SPOCK1: variants seen among roughly 807,000 people sequenced by gnomAD.
The protein encoded by SPOCK1 is testican-1.
Under a neutral mutation model 55.3 loss-of-function variants are expected in SPOCK1, and 23 were observed. The observed-to-expected ratio is 0.42, with a 90% CI of 0.30 to 0.59. The LOEUF is 0.59. Ranked by LOEUF, SPOCK1 falls within the 20% of genes least tolerant of loss-of-function variation. SPOCK1 has a pLI of 0.22. For missense variants in SPOCK1, 499 were observed against 552.5 expected (o/e 0.90, Z 0.97); for synonymous variants, 226 against 221.0 (o/e 1.02, Z -0.20).
chr5:137,399,593 C>T (rs1751931974), intron 2 of SPOCK1, among the ~76,000 whole-genome samples: 1 of 152,048 alleles, frequency 6.6e-6, no homozygotes, highest in African/African-American at 2.4e-5. Flanking sequence ...TGACCACCAC[C>T]ACCACAGCTC....
chr5:137,396,944 TA>T (rs1258555186), intron 2 of SPOCK1, among the ~76,000 whole-genome samples: 9 of 152,214 alleles, frequency 5.9e-5, no homozygotes, highest in African/African-American at 2.2e-4. Context: ...TACGCGTTTA[TA>T]CTTTGAATGC....
At chr5:137,086,519 A>G (rs1326644502) in intron 5 of SPOCK1, among the ~76,000 whole-genome samples, 1 of 152,168 alleles carries the variant, frequency 6.6e-6, no homozygotes, top group Admixed American at 6.5e-5. Context: ...TAGGAGGCAG[A>G]GCATCGTGTA....
At chr5:137,244,954 A>T (rs1019642622) in intron 3 of SPOCK1, among the ~76,000 whole-genome samples, 3 of 152,254 alleles carry the variant, frequency 2.0e-5, no homozygotes, top group African/African-American at 7.2e-5. Flanking sequence ...ACCAATGTCC[A>T]GGACAAAGTT....
At chr5:137,408,795 A>T (rs2127187839) in intron 2 of SPOCK1, among the ~76,000 whole-genome samples, 1 of 152,348 alleles carries the variant, frequency 6.6e-6, no homozygotes, top group African/African-American at 2.4e-5. Flanking sequence ...AGGAAAGAAC[A>T]TGAGACAGAC....
At chr5:137,148,136 C>A (rs747046983) in intron 3 of SPOCK1, among the ~76,000 whole-genome samples, 1 of 152,148 alleles carries the variant, frequency 6.6e-6, no homozygotes, top group Non-Finnish European at 1.5e-5. Context: ...AGCAAGGAGA[C>A]AATGACAAGC....
At chr5:137,258,860 G>T (rs910053628) in intron 3 of SPOCK1, among the ~76,000 whole-genome samples, 5 of 152,280 alleles carry the variant, frequency 3.3e-5, no homozygotes, top group Non-Finnish European at 7.3e-5. Flanking sequence ...TCCCTCCAAA[G>T]GGTGGAGCAC....
chr5:137,111,866 CTTG>C (rs1753481872), intron 5 of SPOCK1, among the ~76,000 whole-genome samples: 1 of 152,130 alleles, frequency 6.6e-6, no homozygotes, highest in Non-Finnish European at 1.5e-5. Context: ...AAACAATTTT[CTTG>C]TTGTTGGTTT....
intron 2 of SPOCK1, among the ~76,000 whole-genome samples, chr5:137,295,842 T>A (rs1305008715): frequency 1.3e-5 from 2 of 152,244 alleles, no homozygotes; most frequent in Non-Finnish European, 2.9e-5. Flanking sequence ...ACAGTGTTTT[T>A]CCTCATTTAT....
chr5:137,444,288 G>A (rs1753077113), intron 2 of SPOCK1, among the ~76,000 whole-genome samples: 1 of 152,144 alleles, frequency 6.6e-6, no homozygotes. Flanking sequence ...TCCCTGTGAT[G>A]TCTTTCTGCT....
chr5:137,131,971 C>CACAAAAAAAAAAA (rs1753888981), intron 4 of SPOCK1, among the ~76,000 whole-genome samples: 1 of 12,728 alleles, frequency 7.9e-5, no homozygotes, highest in Non-Finnish European at 1.2e-4. Flanking sequence ...GACTCCGTCT[C>CACAAAAAAAAAAA]AAAAAAAAAA....
intron 6 of SPOCK1, among the ~76,000 whole-genome samples, chr5:137,015,892 C>T (rs977369500): frequency 6.6e-6 from 1 of 152,124 alleles, no homozygotes; most frequent in Admixed American, 6.5e-5. Flanking sequence ...CACCTAAGCA[C>T]GTGACAATGA....
rs1177060339 is a variant in SPOCK1 at position 137,356,838 on chromosome 5, T to TAGAGAGAGAGAGAGAGAGAG, written c.187-89803_187-89784dup. Among the ~76,000 whole-genome samples, 14 of 5,458 alleles carry TAGAGAGAGAGAGAGAGAGAG rather than the reference T, an allele frequency of 2.6e-3. 1 individual carries two copies. Among genetic ancestry groups the TAGAGAGAGAGAGAGAGAGAG allele is most frequent in the African/African-American group, 5.8e-3 (7 of 1,212 alleles). 3.6% of individuals were successfully genotyped at this position (5,458 alleles called of 152,430 possible). On this transcript the variant is annotated intron_variant, in intron 2 of 10. Coordinates refer to ENST00000394945, the MANE Select transcript of SPOCK1 (RefSeq NM_004598.4). Reference sequence around the variant, plus strand: ...ATATATATATATATATATATATATATAGAGAGAGAGAGAGAGAGAGAGAGA... The same window carrying TAGAGAGAGAGAGAGAGAGAG: ...ATATATATATATATATATATATATATAGAGAGAGAGAGAGAGAGAGAGAGAGAGAGAGAGAGAGAGAGAGA...
intron 4 of SPOCK1, among the ~76,000 whole-genome samples, chr5:137,124,986 A>G (rs765709479): frequency 3.9e-5 from 6 of 152,202 alleles, no homozygotes; most frequent in Non-Finnish European, 7.3e-5. Context: ...TTTCATAGAC[A>G]CATTCTGAGT....
chr5:137,313,535 T>A (rs1163153878), intron 2 of SPOCK1: 2 of 974,058 alleles, frequency 2.1e-6, no homozygotes, highest in East Asian at 2.3e-4. Flanking sequence ...CATAGGAGAG[T>A]CACAGGCTCC....
intron 9 of SPOCK1, 88 bp from the exon 10 acceptor site, chr5:136,979,557 A>G (rs973080291): frequency 6.7e-7 from 1 of 1,487,644 alleles, no homozygotes; most frequent in Non-Finnish European, 9.1e-7. Flanking sequence ...GAGGGCTCAC[A>G]TGTCAGAATA....
intron 2 of SPOCK1, among the ~76,000 whole-genome samples, chr5:137,422,050 C>A (rs1322584873): frequency 6.6e-6 from 1 of 152,222 alleles, no homozygotes; most frequent in African/African-American, 2.4e-5. Flanking sequence ...TTCTCCTTCA[C>A]TTATGAAGCT....
intron 2 of SPOCK1, among the ~76,000 whole-genome samples, chr5:137,310,210 C>T (rs932384186): frequency 2.6e-5 from 4 of 151,814 alleles, no homozygotes; most frequent in African/African-American, 4.8e-5. Context: ...AATGAGAAAA[C>T]GTAGGCGCAA....
intron 3 of SPOCK1, among the ~76,000 whole-genome samples, chr5:137,187,607 A>T (rs1490596544): frequency 1.3e-5 from 2 of 152,126 alleles, no homozygotes; most frequent in African/African-American, 4.8e-5. Context: ...TGTAACTCAT[A>T]CATGTATGGA....
intron 2 of SPOCK1, among the ~76,000 whole-genome samples, chr5:137,341,065 T>A (rs1750411056): frequency 6.6e-6 from 1 of 152,154 alleles, no homozygotes; most frequent in Non-Finnish European, 1.5e-5. Context: ...AACTCTGAAG[T>A]CAACATGCAC....
Sources: allele counts gnomAD v4.1 joint callset (sites outside exome capture counted in the v4.1 genomes callset), GRCh38; gene constraint gnomAD v4.1.1; transcripts MANE v1.5; gene names NCBI Gene and HGNC (gene_info 2026-07-23, HGNC 2026-07-21).